Variants in GRIK4 observed in about 807,000 individuals in gnomAD.
GRIK4 encodes glutamate ionotropic receptor kainate type subunit 4.
GRIK4 carries 40 observed loss-of-function variants against 104.9 expected under a neutral mutation model. The observed-to-expected ratio is 0.38, with a 90% CI of 0.30 to 0.50. The LOEUF (loss-of-function observed/expected upper bound fraction) is 0.50, where lower values mean the gene tolerates loss of function less well. Ranked by LOEUF, GRIK4 falls within the 20% of genes least tolerant of loss-of-function variation. The probability of loss-of-function intolerance (pLI) is 0.93; values close to 1 mark genes in which losing one functional copy is unlikely to be tolerated. For missense variants in GRIK4, 1,047 were observed against 1,308.1 expected, an observed-to-expected ratio of 0.80 and a Z score of 3.08; for synonymous variants, 485 against 524.9, an observed-to-expected ratio of 0.92 and a Z score of 1.04.
intron 1 of GRIK4, among the ~76,000 whole-genome samples, chr11:120,567,123 G>T (rs1948338106): frequency 6.6e-6 from 1 of 151,786 alleles, no homozygotes; most frequent in Non-Finnish European, 1.5e-5. Context: ...CAGTAGCTGG[G>T]ACCCCAGGCC....
chr11:120,521,310 T>C (rs1289130131), intron 1 of GRIK4, among the ~76,000 whole-genome samples: 2 of 152,102 alleles, frequency 1.3e-5, no homozygotes, highest in Non-Finnish European at 2.9e-5. Flanking sequence ...TGAGCTCAAG[T>C]GATCCCTCAT....
intron 1 of GRIK4, among the ~76,000 whole-genome samples, chr11:120,548,625 G>A (rs1486814807): frequency 3.3e-5 from 5 of 152,130 alleles, no homozygotes; most frequent in Admixed American, 6.5e-5. Flanking sequence ...TGATCCTTTT[G>A]ACATTTTGGG....
chr11:120,710,205 G>T (rs367980323), intron 3 of GRIK4, among the ~76,000 whole-genome samples: 13 of 139,262 alleles, frequency 9.3e-5, no homozygotes, highest in East Asian at 4.1e-4. Flanking sequence ...CGGAGAAATA[G>T]GTAGGACAGA....
At chr11:120,585,436 G>A (rs538125117) in intron 1 of GRIK4, among the ~76,000 whole-genome samples, 85 of 151,098 alleles carry the variant, frequency 5.6e-4, no homozygotes, top group South Asian at 1.0e-3. Context: ...TGCAACCTCT[G>A]CCTCCTGGTT....
intron 9 of GRIK4, among the ~76,000 whole-genome samples, chr11:120,867,152 G>T (rs918909911): frequency 4.6e-5 from 7 of 152,046 alleles, no homozygotes; most frequent in African/African-American, 1.7e-4. Flanking sequence ...AGGTGTTGCG[G>T]ACTCTCTCAC....
chr11:120,788,340 C>T (rs921625124), intron 3 of GRIK4, among the ~76,000 whole-genome samples: 4 of 151,960 alleles, frequency 2.6e-5, no homozygotes, highest in Admixed American at 1.3e-4. Flanking sequence ...GCGGCATTGC[C>T]GTCAGCAGCA....
intron 3 of GRIK4, among the ~76,000 whole-genome samples, chr11:120,795,608 CA>C (rs1952495313): frequency 2.0e-5 from 3 of 152,188 alleles, no homozygotes; most frequent in African/African-American, 7.2e-5. Flanking sequence ...GTCCTCACCC[CA>C]AAGGAGCTGA....
intron 11 of GRIK4, among the ~76,000 whole-genome samples, chr11:120,877,768 G>A (rs372692240): frequency 1.8e-4 from 27 of 152,102 alleles, no homozygotes; most frequent in Admixed American, 9.2e-4. Flanking sequence ...TGATTACAGC[G>A]GAGGAACAGT....
intron 3 of GRIK4, among the ~76,000 whole-genome samples, chr11:120,712,398 A>C (rs1565309479): frequency 6.6e-6 from 1 of 152,230 alleles, no homozygotes; most frequent in Non-Finnish European, 1.5e-5. Context: ...AACCATTTTC[A>C]GCTCCTTTAG....
intron 1 of GRIK4, among the ~76,000 whole-genome samples, chr11:120,522,290 C>T (rs1947804582): frequency 6.6e-6 from 1 of 152,222 alleles, no homozygotes; most frequent in African/African-American, 2.4e-5. Flanking sequence ...TTACCTTAGA[C>T]TGAGCCAAAT....
At chr11:120,983,467 C>A (rs1227831009) in intron 20 of GRIK4, among the ~76,000 whole-genome samples, 1 of 152,166 alleles carries the variant, frequency 6.6e-6, no homozygotes, top group Non-Finnish European at 1.5e-5. Flanking sequence ...ATCTACTGGG[C>A]CTTATTGGAC....
At chr11:120,565,193 G>A (rs1388605414) in intron 1 of GRIK4, among the ~76,000 whole-genome samples, 1 of 152,234 alleles carries the variant, frequency 6.6e-6, no homozygotes, top group Non-Finnish European at 1.5e-5. Context: ...CAGCTGTCCC[G>A]GCCGCCGCCA....
At chr11:120,882,922 A>C (rs1955006911) in intron 11 of GRIK4, among the ~76,000 whole-genome samples, 1 of 152,058 alleles carries the variant, frequency 6.6e-6, no homozygotes. Flanking sequence ...TTGCCAGTGC[A>C]CCCGTACCCA....
At chr11:120,798,207 C>T (rs1444256292) in intron 3 of GRIK4, among the ~76,000 whole-genome samples, 5 of 112,314 alleles carry the variant, frequency 4.5e-5, no homozygotes, top group South Asian at 3.3e-4. Flanking sequence ...GCCCTGTTGT[C>T]GCCTAGGCTG....
At chr11:120,735,270 T>C (rs1369245052) in intron 3 of GRIK4, among the ~76,000 whole-genome samples, 1 of 152,234 alleles carries the variant, frequency 6.6e-6, no homozygotes, top group African/African-American at 2.4e-5. Context: ...CTAGTAATGC[T>C]GTGGCTCTTG....
intron 1 of GRIK4, among the ~76,000 whole-genome samples, chr11:120,633,428 C>A (rs897310844): frequency 6.6e-6 from 1 of 152,208 alleles, no homozygotes; most frequent in African/African-American, 2.4e-5. Context: ...ATGCCTTGTT[C>A]TGTGCACGTG....
chr11:120,627,627 G>A (rs912808035), intron 1 of GRIK4, among the ~76,000 whole-genome samples: 4 of 152,214 alleles, frequency 2.6e-5, no homozygotes, highest in South Asian at 2.1e-4. Flanking sequence ...CCCTGCTGGG[G>A]CAAAACTGTC....
At chr11:120,717,383 A>G (rs532061680) in intron 3 of GRIK4, among the ~76,000 whole-genome samples, 2 of 152,144 alleles carry the variant, frequency 1.3e-5, no homozygotes, top group African/African-American at 2.4e-5. Context: ...CTTCTTCCCT[A>G]CTTCTCCTGT....
rs73584439 is a variant in GRIK4, at chr11:120,883,617, C to A, written c.1164+8374C>A. On this transcript the variant is annotated intron_variant, in intron 11 of 20. Coordinates refer to ENST00000527524, the MANE Select transcript of GRIK4 (RefSeq NM_014619.5). ...GGCCCATGTAAGTCTGGTTCTTTCT[C>A]CCAAAGCACAGGGACTTCCTGCTTA... is the stretch of plus-strand genomic sequence containing the variant. Among the ~76,000 whole-genome samples the A allele has an allele frequency of 3.9e-3, 600 of 152,326 alleles. 5 individuals carry two copies. The highest frequency in any genetic ancestry group is 0.013 in the African/African-American group (555 of 41,570).
Sources: gnomAD v4.1 joint callset for allele counts (sites outside exome capture counted in the v4.1 genomes callset) on GRCh38, gnomAD v4.1.1 for gene constraint, MANE v1.5 for transcripts, NCBI Gene and HGNC (gene_info 2026-07-23, HGNC 2026-07-21) for gene names.